SMIM35: variants seen among roughly 807,000 people sequenced by gnomAD.
The protein encoded by SMIM35 is small integral membrane protein 35.
At chr11:118,050,904 C>T (rs1014407387) in intron 1 of SMIM35, among the ~76,000 whole-genome samples, 2 of 152,182 alleles carry the variant, frequency 1.3e-5, no homozygotes, top group Non-Finnish European at 2.9e-5. Flanking sequence ...GCTCCAGTGA[C>T]CTCCCCCAAT....
chr11:118,077,443 C>T, intron 1 of SMIM35: 1 of 1,001,790 alleles, frequency 1.0e-6, no homozygotes, highest in Non-Finnish European at 1.4e-6. Flanking sequence ...ACACCCAAAT[C>T]CCCTCACACC....
chr11:118,081,318 T>TG (rs1481727993), intron 1 of SMIM35, among the ~76,000 whole-genome samples: 1 of 152,156 alleles, frequency 6.6e-6, no homozygotes, highest in Admixed American at 6.5e-5. Flanking sequence ...CCGGAAACCC[T>TG]GGTGATAGGG....
rs572022026 is a variant in SMIM35 at position 118,065,231 on chromosome 11, C to T, written c.7+21520G>A. Reference sequence around the variant, plus strand: ...TCTCAGCATCCGATTACAGCAAGGACACTCCCAGCCTAATCTGGCTTTCCC... The same window carrying T: ...TCTCAGCATCCGATTACAGCAAGGATACTCCCAGCCTAATCTGGCTTTCCC... On this transcript the variant is annotated intron_variant, in intron 1 of 4. Coordinates refer to ENST00000689828, the MANE Select transcript of SMIM35 (RefSeq NM_001394165.1). Among the ~76,000 whole-genome samples the T allele has an allele frequency of 1.3e-3, 204 of 152,234 alleles. 1 individual carries two copies. The highest frequency in any genetic ancestry group is 2.5e-3 in the Non-Finnish European group (170 of 68,044).
At chr11:118,078,446 C>G (rs1357788226) in intron 1 of SMIM35, among the ~76,000 whole-genome samples, 1 of 152,230 alleles carries the variant, frequency 6.6e-6, no homozygotes, top group African/African-American at 2.4e-5. Flanking sequence ...CCACGACACT[C>G]TTCTGAAAAT....
intron 1 of SMIM35, among the ~76,000 whole-genome samples, chr11:118,051,196 T>C (rs2135101651): frequency 6.6e-6 from 1 of 152,344 alleles, no homozygotes; most frequent in East Asian, 1.9e-4. Context: ...GTACAGACGA[T>C]GCTATGCCTT....
At chr11:118,054,087 G>A (rs1944268294) in intron 1 of SMIM35, among the ~76,000 whole-genome samples, 1 of 151,950 alleles carries the variant, frequency 6.6e-6, no homozygotes, top group Non-Finnish European at 1.5e-5. Flanking sequence ...TGCAAGACTG[G>A]AGGTATAAGT....
intron 4 of SMIM35, among the ~76,000 whole-genome samples, chr11:118,009,725 T>TAAAAAAAAAAAAAAAAAAAAAAAAA: frequency 7.4e-6 from 1 of 135,280 alleles, no homozygotes. Flanking sequence ...GCAGACGCTT[T>TAAAAAAAAAAAAAAAAAAAAAAAAA]AAAAAAAAAA....
chr11:118,019,877 T>G (rs751532972), intron 1 of SMIM35, among the ~76,000 whole-genome samples: 11 of 152,222 alleles, frequency 7.2e-5, no homozygotes, highest in Non-Finnish European at 1.5e-4. Context: ...TTTTCTGGGC[T>G]TTCAACTGTA....
At chr11:118,055,817 G>C (rs1488422739) in intron 1 of SMIM35, among the ~76,000 whole-genome samples, 2 of 152,148 alleles carry the variant, frequency 1.3e-5, no homozygotes, top group African/African-American at 4.8e-5. Context: ...ACCTCTGGTG[G>C]AGAGAAAGAG....
chr11:118,085,847 G>A (rs1319723175), intron 1 of SMIM35, among the ~76,000 whole-genome samples: 1 of 152,194 alleles, frequency 6.6e-6, no homozygotes, highest in African/African-American at 2.4e-5. Context: ...ACCCTTCCAG[G>A]AGGGGAAGGT....
intron 1 of SMIM35, among the ~76,000 whole-genome samples, chr11:118,057,511 G>C (rs1944332899): frequency 6.6e-6 from 1 of 152,152 alleles, no homozygotes. Context: ...GACTCCGCTG[G>C]GCGCTGGAGG....
At chr11:118,077,385 C>T in intron 1 of SMIM35, 1 of 1,467,566 alleles carries the variant, frequency 6.8e-7, no homozygotes, top group Non-Finnish European at 9.1e-7. Flanking sequence ...GCCTGAGCAT[C>T]CATCAGCTGA....
chr11:118,025,687 T>A (rs1486389335), intron 1 of SMIM35: 2 of 451,780 alleles, frequency 4.4e-6, no homozygotes, highest in Non-Finnish European at 8.9e-6. Flanking sequence ...AGATTCTAGA[T>A]ATTAGACCCT....
At chr11:118,052,881 C>G (rs1208060032) in intron 1 of SMIM35, among the ~76,000 whole-genome samples, 1 of 152,174 alleles carries the variant, frequency 6.6e-6, no homozygotes, top group African/African-American at 2.4e-5. Flanking sequence ...GCTGCCACCA[C>G]GCTCAGCATG....
chr11:118,077,075 A>G lies in SMIM35; in HGVS notation c.7+9676T>C, dbSNP rs116802778. ...TAATCAAGCTGCCCAAAGTCCCCCA[A>G]TCACTCCTGGAATACACAGAGAGAG... is the stretch of plus-strand genomic sequence containing the variant. On this transcript the variant is annotated intron_variant, in intron 1 of 4. Transcript: ENST00000689828. The G allele has an allele frequency of 3.0e-3, 1,469 of 492,672 alleles. 19 individuals are homozygous for G. The highest frequency in any genetic ancestry group is 0.027 in the African/African-American group (1,339 of 49,746). The allele number at this position is 492,672 out of a possible 1,614,324, so 30.5% of individuals were successfully genotyped here.
At chr11:118,034,810 G>A (rs998803447) in intron 1 of SMIM35, among the ~76,000 whole-genome samples, 4 of 152,180 alleles carry the variant, frequency 2.6e-5, no homozygotes, top group African/African-American at 9.7e-5. Flanking sequence ...TGACAAGGGG[G>A]ACGAGGAGCC....
At chr11:118,024,872 G>C (rs1299002336) in intron 1 of SMIM35, among the ~76,000 whole-genome samples, 4 of 152,100 alleles carry the variant, frequency 2.6e-5, no homozygotes, top group Admixed American at 2.6e-4. Context: ...CCATTACCCG[G>C]GTAGTGAGCA....
At chr11:118,012,489 AC>A (rs1372068835) in intron 4 of SMIM35, among the ~76,000 whole-genome samples, 1 of 152,224 alleles carries the variant, frequency 6.6e-6, no homozygotes, top group East Asian at 1.9e-4. Flanking sequence ...CACTTTTGCC[AC>A]AGGACAGGCT....
intron 3 of SMIM35, 135 bp from the exon 4 acceptor site, chr11:118,014,015 A>T: frequency 2.5e-6 from 1 of 393,190 alleles, no homozygotes; most frequent in Admixed American, 4.4e-5. Context: ...TACCATAATC[A>T]TCTCTCAGGG....
Sources: allele counts gnomAD v4.1 joint callset (sites outside exome capture counted in the v4.1 genomes callset), GRCh38; gene constraint gnomAD v4.1.1; transcripts MANE v1.5; gene names NCBI Gene and HGNC (gene_info 2026-07-23, HGNC 2026-07-21).